The following RAB5C variants were observed in gnomAD, a reference collection of about 807,000 sequenced individuals.
The protein encoded by RAB5C is ras-related protein Rab-5C.
Under a neutral mutation model 25.2 loss-of-function variants are expected in RAB5C, and 4 were observed. That is an observed-to-expected ratio of 0.16 (90% CI 0.08 to 0.36). The LOEUF (loss-of-function observed/expected upper bound fraction) is 0.36. RAB5C is among the 10% of genes least tolerant of loss of function. The probability of loss-of-function intolerance (pLI) is 1.00; values close to 1 mark genes in which losing one functional copy is unlikely to be tolerated. For synonymous variants in RAB5C, 100 were observed against 106.4 expected (o/e 0.94, Z 0.37); for missense variants, 199 against 283.8 (o/e 0.70, Z 2.15).
chr17:42,134,552 G>A (rs2054517404), intron 1 of RAB5C, among the ~76,000 whole-genome samples: 1 of 152,166 alleles, frequency 6.6e-6, no homozygotes, highest in Non-Finnish European at 1.5e-5. Context: ...ACTCCAGCTT[G>A]GGGCAAAAGA....
intron 1 of RAB5C, among the ~76,000 whole-genome samples, chr17:42,133,082 A>G (rs1294856964): frequency 6.6e-6 from 1 of 152,202 alleles, no homozygotes; most frequent in Non-Finnish European, 1.5e-5. Flanking sequence ...CTCTAGCAAC[A>G]GTCACAGTAA....
intron 1 of RAB5C, among the ~76,000 whole-genome samples, chr17:42,139,625 A>G (rs1022299403): frequency 3.3e-5 from 5 of 152,084 alleles, no homozygotes; most frequent in African/African-American, 9.7e-5. Context: ...ACATCCAGCT[A>G]ATTTTTTGTA....
In RAB5C at chr17:42,130,534, T is replaced by TGC; in HGVS notation, c.-34_-33dup. The TGC allele has an allele frequency of 1.9e-6, 3 of 1,612,610 alleles. No homozygotes were observed. The highest frequency in any genetic ancestry group is 2.5e-6 in the Non-Finnish European group (3 of 1,179,620). On this transcript the variant is annotated 5_prime_UTR_variant, in exon 2 of 6. Coordinates refer to ENST00000346213, the MANE Select transcript of RAB5C (RefSeq NM_004583.4). ...TCCAGCTGTAGTGGTCCAGAGAGCG[T>TGC]GCGGGTGGGGACTGGTGCTATGCAA...
Position 42,127,274 on chromosome 17 carries a change from TC to T in RAB5C, c.442-427del, listed in dbSNP as rs557340421. Among the ~76,000 whole-genome samples the T allele has an allele frequency of 1.8e-3, 267 of 152,300 alleles. 2 individuals are homozygous for T. The highest frequency in any genetic ancestry group is 5.9e-3 in the African/African-American group (247 of 41,556). On this transcript the variant is annotated intron_variant, in intron 4 of 5. Coordinates refer to ENST00000346213, the MANE Select transcript of RAB5C (RefSeq NM_004583.4). ...ATACAGTATGTATAGCACACTGCCA[TC>T]AATGTAAAGAAAGGGATTAAAAAAC...
intron 4 of RAB5C, among the ~76,000 whole-genome samples, chr17:42,127,513 A>G (rs1322152917): frequency 6.6e-6 from 1 of 151,978 alleles, no homozygotes. Flanking sequence ...GTGACGGGCA[A>G]TTCCTTTTAG....
chr17:42,153,580 C>G (rs1325372323), intron 1 of RAB5C, among the ~76,000 whole-genome samples: 1 of 152,194 alleles, frequency 6.6e-6, no homozygotes, highest in Middle Eastern at 3.2e-3. Flanking sequence ...TAGCCCAGAA[C>G]ACTGAAGAGC....
chr17:42,128,357 C>A lies in RAB5C; in HGVS notation c.345G>T (p.Trp115Cys). The A allele has an allele frequency of 6.2e-7, 1 of 1,614,034 alleles. No homozygotes were observed. The highest frequency in any genetic ancestry group is 8.5e-7 in the Non-Finnish European group (1 of 1,179,958). The change falls in exon 4 of 6, where the codon TGG (tryptophan) becomes TGT (cysteine). Residue 115 changes from tryptophan (W) to cysteine (C), a missense_variant. This residue lies in a region of RAB5C where 154 missense variants were observed against 199.6 expected (regional missense o/e 0.77). Transcript: ENST00000346213. ...NTDTFARAKN[W>C]VKELQRQASP... ...TGGCCTGCCTCTGTAGCTCCTTCAC[C>A]CAGTTCTTGGCCCGTGCAAATGTAT...
intron 1 of RAB5C, among the ~76,000 whole-genome samples, chr17:42,139,468 A>G (rs1598251664): frequency 6.6e-6 from 1 of 152,088 alleles, no homozygotes; most frequent in South Asian, 2.1e-4. Flanking sequence ...GTTGTGGCAG[A>G]TTCTTTTTTT....
chr17:42,135,205 A>C (rs2054524588), intron 1 of RAB5C, among the ~76,000 whole-genome samples: 1 of 151,318 alleles, frequency 6.6e-6, no homozygotes, highest in East Asian at 1.9e-4. Flanking sequence ...GGCTGGTATC[A>C]AACTCCTGCC....
At chr17:42,130,159 G>T in intron 2 of RAB5C, 178 bp downstream of exon 2, 1 of 772,062 alleles carries the variant, frequency 1.3e-6, no homozygotes, top group South Asian at 2.1e-5. Context: ...TGCTTGAGGG[G>T]ACTCTGGCAT....
At chr17:42,148,363 C>T (rs1236758854) in intron 1 of RAB5C, among the ~76,000 whole-genome samples, 1 of 134,788 alleles carries the variant, frequency 7.4e-6, no homozygotes, top group African/African-American at 3.0e-5. Flanking sequence ...AAGATCGTAC[C>T]ATTGCACTCC....
chr17:42,144,925 C>CAAAAAAAAA (rs544870361), intron 1 of RAB5C, among the ~76,000 whole-genome samples: 7 of 31,104 alleles, frequency 2.3e-4, no homozygotes, highest in Non-Finnish European at 4.0e-4. Context: ...GACTCCGTCT[C>CAAAAAAAAA]AAAAAAAAAA....
intron 1 of RAB5C, among the ~76,000 whole-genome samples, chr17:42,153,578 A>G (rs1395326783): frequency 6.6e-6 from 1 of 152,204 alleles, no homozygotes; most frequent in Non-Finnish European, 1.5e-5. Flanking sequence ...GGTAGCCCAG[A>G]ACACTGAAGA....
intron 1 of RAB5C, among the ~76,000 whole-genome samples, chr17:42,132,498 C>T (rs531409045): frequency 1.3e-5 from 2 of 152,278 alleles, no homozygotes; most frequent in African/African-American, 4.8e-5. Flanking sequence ...CTCACAGTGC[C>T]TATGTGCATA....
intron 1 of RAB5C, among the ~76,000 whole-genome samples, chr17:42,145,750 T>C (rs1277353938): frequency 1.3e-5 from 2 of 152,200 alleles, no homozygotes; most frequent in African/African-American, 4.8e-5. Context: ...AGCAAGACTC[T>C]GTTAAAAAGA....
At chr17:42,144,651 G>A (rs967721778) in intron 1 of RAB5C, among the ~76,000 whole-genome samples, 3 of 151,124 alleles carry the variant, frequency 2.0e-5, no homozygotes, top group Non-Finnish European at 3.0e-5. Context: ...ATCTCAGGGT[G>A]GGCGTGGTGG....
chr17:42,150,443 C>T (rs2079662935), intron 1 of RAB5C, among the ~76,000 whole-genome samples: 1 of 143,352 alleles, frequency 7.0e-6, no homozygotes, highest in Admixed American at 7.4e-5. Flanking sequence ...ACTCAGGAGG[C>T]TGAGGCAGGA....
rs754812250 is a variant in RAB5C at position 42,126,813 on chromosome 17, C to T, written c.477G>A (p.Leu159=). Residue 159 remains leucine (L), a synonymous_variant, in exon 5 of 6, where the codon CTG becomes CTA. Coordinates refer to ENST00000346213, the MANE Select transcript of RAB5C (RefSeq NM_004583.4). ...AQAYADDNSL[L]FMETSAKTAM... ...CAGTCTTTGCTGATGTCTCCATGAA[C>T]AGCAAACTGTTGTCGTCTGCATAGG... The T allele has an allele frequency of 1.9e-6, 3 of 1,613,442 alleles. No individual in the cohort carries two copies. Among genetic ancestry groups the T allele is most frequent in the East Asian group, 2.2e-5 (1 of 44,846 alleles).
chr17:42,127,852 G>C (rs1437096742), intron 4 of RAB5C, among the ~76,000 whole-genome samples: 1 of 148,910 alleles, frequency 6.7e-6, no homozygotes, highest in African/African-American at 2.5e-5. Context: ...TTAAAGAGAT[G>C]GGGCCTCACT....
Sources: allele counts gnomAD v4.1 joint callset (sites outside exome capture counted in the v4.1 genomes callset), GRCh38; gene constraint gnomAD v4.1.1; regional missense constraint gnomAD v4.1.1; transcripts MANE v1.5; gene names NCBI Gene and HGNC (gene_info 2026-07-23, HGNC 2026-07-21).